Variants in EXOC5 observed in about 807,000 individuals in gnomAD.
The protein encoded by EXOC5 is exocyst complex component 5, also known as SEC10-like 1.
A neutral mutation model predicts 90.8 loss-of-function variants in EXOC5; 17 were observed. The ratio of observed to expected loss-of-function variants is 0.19; its 90% confidence interval spans 0.13 to 0.28. EXOC5 has a LOEUF of 0.28. Ranked by LOEUF, EXOC5 falls within the 10% of genes least tolerant of loss-of-function variation. EXOC5 has a pLI of 1.00. For synonymous variants in EXOC5, 260 were observed against 270.0 expected (o/e 0.96, Z 0.36); for missense variants, 569 against 830.6 (o/e 0.69, Z 3.87).
rs900586561 is a variant in EXOC5 at position 57,247,680 on chromosome 14, A to G, written c.60T>C (p.Arg20=). ...CTCCTCCTGGGGTTCTCCATACAAG[A>G]CGTTCAATATATTCATCTGCCACAA... ...EPFVADEYIE[R]LVWRTPGGGS... Residue 20 remains arginine (R), a synonymous_variant, in exon 2 of 18, where the codon CGT becomes CGC. Transcript: ENST00000621441. 6.4e-7 allele frequency: 1 copy of G among 1,567,642 alleles called. No homozygotes were observed. Among genetic ancestry groups the G allele is most frequent in the Non-Finnish European group, 8.7e-7 (1 of 1,154,328 alleles).
In EXOC5 at chr14:57,234,011, C is replaced by T; in HGVS notation, c.691G>A (p.Val231Ile). The change falls in exon 8 of 18, where the codon GTT becomes ATT. Residue 231 changes from valine to isoleucine, a missense_variant. By Grantham distance (29) the Val-to-Ile change is conservative. This residue lies in a region of EXOC5 where 97 missense variants were observed against 177.9 expected (regional missense o/e 0.55). Transcript: ENST00000621441. ...HFKGYSHCVD[V>I]YIKQCQEGAY... is the part of the protein sequence containing the mutation. ...ACCTCCTGGCACTGCTTTATATAAACATCAACACAATGGGAATAACCCTAC... is the reference window on the plus strand; with the variant it reads ...ACCTCCTGGCACTGCTTTATATAAATATCAACACAATGGGAATAACCCTAC... The T allele has an allele frequency of 6.3e-7, 1 of 1,597,218 alleles. No homozygotes were observed. The highest frequency in any genetic ancestry group is 8.6e-7 in the Non-Finnish European group (1 of 1,165,016).
chr14:57,237,478 T>C (rs538396159), intron 5 of EXOC5, 112 bp from the exon 6 acceptor site: 5 of 622,434 alleles, frequency 8.0e-6, no homozygotes, highest in Non-Finnish European at 8.5e-6. Flanking sequence ...GAACCATCTG[T>C]ACTATCTTTG....
At chr14:57,227,609 T>C (rs1883347527) in intron 12 of EXOC5, among the ~76,000 whole-genome samples, 1 of 152,170 alleles carries the variant, frequency 6.6e-6, no homozygotes, top group Non-Finnish European at 1.5e-5. Flanking sequence ...TCCACTTCCT[T>C]AACAACACTT....
chr14:57,268,853 G>C lies in EXOC5; in HGVS notation c.-205C>G, dbSNP rs1234025085. 79 of 1,310,680 alleles carry C rather than the reference G, an allele frequency of 6.0e-5. 2 individuals carry two copies. The highest frequency in any genetic ancestry group is 4.3e-4 in the South Asian group (27 of 62,488). 81.2% of individuals were successfully genotyped at this position (1,310,680 alleles called of 1,614,324 possible). Reference sequence around the variant, plus strand: ...GCAAACGCTTGTCAGCTGCCTCCCGGCGCCGCCCGCGCTGCTCCCATTGTC... The same window carrying C: ...GCAAACGCTTGTCAGCTGCCTCCCGCCGCCGCCCGCGCTGCTCCCATTGTC... On this transcript the variant is annotated 5_prime_UTR_variant, in exon 1 of 18. Coordinates refer to ENST00000621441, the MANE Select transcript of EXOC5 (RefSeq NM_006544.4).
At chr14:57,260,334 A>G (rs2139669177) in intron 1 of EXOC5, among the ~76,000 whole-genome samples, 1 of 152,318 alleles carries the variant, frequency 6.6e-6, no homozygotes, top group East Asian at 1.9e-4. Context: ...CAAACTTTGA[A>G]AAAGTATTTT....
chr14:57,252,832 C>T (rs1884233789), intron 1 of EXOC5, among the ~76,000 whole-genome samples: 1 of 152,082 alleles, frequency 6.6e-6, no homozygotes, highest in South Asian at 2.1e-4. Flanking sequence ...ATATCTGCAC[C>T]ACCATGTTTA....
intron 12 of EXOC5, among the ~76,000 whole-genome samples, chr14:57,222,760 C>CATAT (rs1208085180): frequency 2.7e-5 from 4 of 147,866 alleles, no homozygotes; most frequent in African/African-American, 1.0e-4. Flanking sequence ...CACACACACA[C>CATAT]ACATATATAT....
chr14:57,253,732 C>T (rs894870020), intron 1 of EXOC5, among the ~76,000 whole-genome samples: 2 of 152,056 alleles, frequency 1.3e-5, no homozygotes, highest in African/African-American at 4.8e-5. Context: ...CAATTTTTGA[C>T]AAGGGTGCCA....
intron 1 of EXOC5, among the ~76,000 whole-genome samples, chr14:57,254,747 T>C (rs1241299186): frequency 6.6e-6 from 1 of 152,174 alleles, no homozygotes; most frequent in Non-Finnish European, 1.5e-5. Context: ...ATGGGATTAA[T>C]GTTCTTACAG....
intron 7 of EXOC5, 74 bp downstream of exon 7, chr14:57,235,631 AAATCAG>A: frequency 1.4e-6 from 1 of 706,190 alleles, no homozygotes; most frequent in Non-Finnish European, 2.5e-6. Context: ...TGAATGGGGG[AAATCAG>A]AGACTATAAT....
At chr14:57,226,919 C>T (rs1162904775) in intron 12 of EXOC5, among the ~76,000 whole-genome samples, 1 of 152,030 alleles carries the variant, frequency 6.6e-6, no homozygotes, top group East Asian at 1.9e-4. Context: ...TAGGCAAAGA[C>T]TTCTTATATA....
At chr14:57,240,881 C>T (rs923330665) in intron 4 of EXOC5, among the ~76,000 whole-genome samples, 4 of 152,108 alleles carry the variant, frequency 2.6e-5, no homozygotes, top group African/African-American at 9.6e-5. Context: ...GAGACAGAGT[C>T]TTGCTCGGTC....
At chr14:57,235,671 T>C (rs1476872046) in intron 7 of EXOC5, 40 bp downstream of exon 7, 4 of 1,017,780 alleles carry the variant, frequency 3.9e-6, no homozygotes, top group Admixed American at 2.0e-5. Context: ...GTAATTTCCA[T>C]AGCCTTGAAC....
rs1179948025 is a variant in EXOC5 at position 57,204,211 on chromosome 14, T to TGGC, written c.*4397_*4398insGCC. ...TCGGGTCTAGTTCAAAAATAGGAAT[T>TGGC]TTGTTAAGCCCAGGGGCAGCCTAGC... is the stretch of plus-strand genomic sequence containing the variant. On this transcript the variant is annotated 3_prime_UTR_variant, in exon 18 of 18. Transcript: ENST00000621441. The TGGC allele has an allele frequency of 6.6e-6, 1 of 152,138 alleles. No individual in the cohort carries two copies. Among genetic ancestry groups the TGGC allele is most frequent in the African/African-American group, 2.4e-5 (1 of 41,454 alleles). 9.4% of individuals were successfully genotyped at this position (152,138 alleles called of 1,614,324 possible). A position where few individuals can be genotyped will look rare whatever the true frequency, so the allele number is the denominator to read the frequency against.
At chr14:57,261,007 T>C (rs1034277371) in intron 1 of EXOC5, among the ~76,000 whole-genome samples, 1 of 152,224 alleles carries the variant, frequency 6.6e-6, no homozygotes, top group African/African-American at 2.4e-5. Context: ...CTTTCGTTTA[T>C]TATAACTTGA....
In EXOC5 at chr14:57,204,840, T is replaced by C. The variant is rs1480385956; in HGVS notation, c.*3769A>G. 1 of 152,430 alleles carries C rather than the reference T, an allele frequency of 6.6e-6. No homozygotes were observed. The highest frequency in any genetic ancestry group is 2.1e-4 in the South Asian group (1 of 4,834). 9.4% of individuals were successfully genotyped at this position (152,430 alleles called of 1,614,324 possible). On this transcript the variant is annotated 3_prime_UTR_variant, in exon 18 of 18. Transcript: ENST00000621441. The stretch of plus-strand genomic sequence containing the variant: ...ACAACAGTAAATTAGATATTGACCC[T>C]GTATGCCAACTTTGTAATATAAATA...
chr14:57,211,010 C>G (rs1374683849), intron 15 of EXOC5, among the ~76,000 whole-genome samples: 5 of 152,164 alleles, frequency 3.3e-5, no homozygotes, highest in African/African-American at 1.2e-4. Flanking sequence ...AGGAGATATT[C>G]TGCTGGATGG....
At chr14:57,224,550 TG>T (rs1419596457) in intron 12 of EXOC5, among the ~76,000 whole-genome samples, 1 of 152,226 alleles carries the variant, frequency 6.6e-6, no homozygotes, top group Non-Finnish European at 1.5e-5. Context: ...TGAATTGTTC[TG>T]TATCTACTAA....
chr14:57,238,716 T>C lies in EXOC5; in HGVS notation c.530+879A>G, dbSNP rs570368986. ...ATGATAATCAGAGTTGAGAATAAAA[T>C]AGATACATTTTTAGGGGGAATTCAT... is the stretch of plus-strand genomic sequence containing the variant. On this transcript the variant is annotated intron_variant, in intron 5 of 17. Coordinates refer to ENST00000621441, the MANE Select transcript of EXOC5 (RefSeq NM_006544.4). Among the ~76,000 whole-genome samples the C allele has an allele frequency of 2.0e-5, 3 of 152,058 alleles. 1 individual carries two copies. Among genetic ancestry groups the C allele is most frequent in the African/African-American group, 4.8e-5 (2 of 41,526 alleles).
Sources: gnomAD v4.1 joint callset for allele counts (sites outside exome capture counted in the v4.1 genomes callset) on GRCh38, gnomAD v4.1.1 for gene constraint, gnomAD v4.1.1 regional missense constraint, MANE v1.5 for transcripts, NCBI Gene and HGNC (gene_info 2026-07-23, HGNC 2026-07-21) for gene names.